CCSER1: variants seen among roughly 807,000 people sequenced by gnomAD.
The protein encoded by CCSER1 is coiled-coil serine rich protein 1, also known as serine-rich coiled-coil domain-containing protein 1.
Under a neutral mutation model 82.0 loss-of-function variants are expected in CCSER1, and 41 were observed. That is an observed-to-expected ratio of 0.50 (90% CI 0.39 to 0.65). The LOEUF is 0.65. Among genes scored for constraint, CCSER1 ranks in the 30% least tolerant of loss-of-function variants. The probability of loss-of-function intolerance (pLI) is 0.00; values close to 1 mark genes in which losing one functional copy is unlikely to be tolerated. For missense variants in CCSER1, 1,119 were observed against 1,064.2 expected, an observed-to-expected ratio of 1.05 and a Z score of -0.72; for synonymous variants, 414 against 383.9, an observed-to-expected ratio of 1.08 and a Z score of -0.92.
intron 5 of CCSER1, among the ~76,000 whole-genome samples, chr4:90,583,097 C>T (rs1409414027): frequency 6.6e-6 from 1 of 152,044 alleles, no homozygotes; most frequent in African/African-American, 2.4e-5. Context: ...CCTACTACAC[C>T]ACCTTCTACT....
chr4:90,869,781 A>G lies in CCSER1; in HGVS notation c.2095-53589A>G, dbSNP rs369576803. 4.6e-5 allele frequency among the ~76,000 whole-genome samples: 7 copies of G among 151,720 alleles called. 1 individual carries two copies. The East Asian group carries it at 7.7e-4, about 17-fold the overall frequency. ...TTGCTCAGGACTACATTGAATCTATAGATTGCTTTAGCTAGTATGGACATT... is the reference window on the plus strand; with the variant it reads ...TTGCTCAGGACTACATTGAATCTATGGATTGCTTTAGCTAGTATGGACATT... On this transcript the variant is annotated intron_variant, in intron 8 of 10. Transcript: ENST00000509176.
At chr4:90,472,714 C>A (rs1338394886) in intron 5 of CCSER1, among the ~76,000 whole-genome samples, 1 of 151,990 alleles carries the variant, frequency 6.6e-6, no homozygotes, top group Non-Finnish European at 1.5e-5. Flanking sequence ...TCTATGTAAT[C>A]CAAAAAGAGT....
chr4:91,120,567 G>C (rs11936848), intron 10 of CCSER1, among the ~76,000 whole-genome samples: 78,840 of 151,608 alleles, frequency 0.52, 20,798 homozygotes, highest in East Asian at 0.68. Flanking sequence ...TAGCTTTAAA[G>C]TTTTTTTTGA....
chr4:90,988,043 A>G (rs1327665505), intron 9 of CCSER1, among the ~76,000 whole-genome samples: 1 of 151,672 alleles, frequency 6.6e-6, no homozygotes, highest in Non-Finnish European at 1.5e-5. Context: ...ACTACCAGGC[A>G]TGGTGGCTCA....
intron 8 of CCSER1, among the ~76,000 whole-genome samples, chr4:90,836,220 G>A (rs1761785725): frequency 6.6e-6 from 1 of 151,918 alleles, no homozygotes; most frequent in African/African-American, 2.4e-5. Context: ...TAATAATAAC[G>A]ACAAAAACAT....
At chr4:91,560,769 C>G (rs568071182) in intron 10 of CCSER1, among the ~76,000 whole-genome samples, 1 of 151,438 alleles carries the variant, frequency 6.6e-6, no homozygotes, top group South Asian at 2.1e-4. Context: ...GAGTTTTAAG[C>G]TTCTCAAGTG....
chr4:90,643,602 G>T (rs963615254), intron 6 of CCSER1, among the ~76,000 whole-genome samples: 2 of 152,194 alleles, frequency 1.3e-5, no homozygotes, highest in African/African-American at 2.4e-5. Flanking sequence ...ATGGAACAGT[G>T]TTGGACACAT....
chr4:91,540,553 T>G (rs537247736), intron 10 of CCSER1, among the ~76,000 whole-genome samples: 94 of 152,306 alleles, frequency 6.2e-4, no homozygotes, highest in African/African-American at 2.2e-3. Flanking sequence ...AAGTTTTTAA[T>G]TTTAATGAAG....
At chr4:90,245,413 C>G (rs1400808515) in intron 1 of CCSER1, among the ~76,000 whole-genome samples, 4 of 150,772 alleles carry the variant, frequency 2.7e-5, no homozygotes, top group Admixed American at 2.6e-4. Context: ...GACCCCTTCT[C>G]TAAGGTCATG....
At chr4:90,940,058 T>C (rs1010304924) in intron 9 of CCSER1, among the ~76,000 whole-genome samples, 4 of 152,182 alleles carry the variant, frequency 2.6e-5, no homozygotes, top group South Asian at 4.1e-4. Flanking sequence ...TACTGTATTA[T>C]CTTGAAGAAG....
intron 7 of CCSER1, among the ~76,000 whole-genome samples, chr4:90,729,155 T>G (rs550501295): frequency 6.6e-6 from 1 of 152,252 alleles, no homozygotes; most frequent in East Asian, 1.9e-4. Context: ...AACAAGTTAA[T>G]AAATGAAAAG....
chr4:90,783,904 C>A (rs1247405181), intron 7 of CCSER1, among the ~76,000 whole-genome samples: 2 of 151,956 alleles, frequency 1.3e-5, no homozygotes, highest in African/African-American at 4.8e-5. Context: ...AACACCACAT[C>A]AACAGGACTC....
intron 3 of CCSER1, among the ~76,000 whole-genome samples, chr4:90,357,025 G>T (rs961986592): frequency 6.6e-6 from 1 of 151,724 alleles, no homozygotes; most frequent in Non-Finnish European, 1.5e-5. Context: ...TACTTTTTGC[G>T]GGTCTGGTAA....
intron 4 of CCSER1, among the ~76,000 whole-genome samples, chr4:90,459,705 A>G (rs1762636450): frequency 6.6e-6 from 1 of 152,180 alleles, no homozygotes; most frequent in South Asian, 2.1e-4. Flanking sequence ...CACCATAATG[A>G]CAATATTTTA....
At chr4:91,327,956 C>T (rs1306308618) in intron 10 of CCSER1, among the ~76,000 whole-genome samples, 3 of 152,122 alleles carry the variant, frequency 2.0e-5, no homozygotes, top group African/African-American at 2.4e-5. Flanking sequence ...CAATAAGTTC[C>T]TCATCTCCAT....
At chr4:90,578,462 C>T (rs1466068637) in intron 5 of CCSER1, among the ~76,000 whole-genome samples, 3 of 152,088 alleles carry the variant, frequency 2.0e-5, no homozygotes, top group African/African-American at 4.8e-5. Context: ...GCACTCTGAC[C>T]CTACCTTTTG....
chr4:91,319,165 A>C (rs766073982), intron 10 of CCSER1: 3 of 225,542 alleles, frequency 1.3e-5, no homozygotes, highest in African/African-American at 2.4e-5. Flanking sequence ...TAGATGATGC[A>C]TAAGTTTACA....
At chr4:91,347,145 T>C (rs1431042149) in intron 10 of CCSER1, among the ~76,000 whole-genome samples, 3 of 152,192 alleles carry the variant, frequency 2.0e-5, no homozygotes, top group Non-Finnish European at 4.4e-5. Context: ...GATGTATGGT[T>C]CATTTTGAGT....
At chr4:91,395,016 A>G (rs1751884184) in intron 10 of CCSER1, among the ~76,000 whole-genome samples, 1 of 152,124 alleles carries the variant, frequency 6.6e-6, no homozygotes, top group Non-Finnish European at 1.5e-5. Context: ...AAGTACTAAT[A>G]TATCTTTCGT....
Sources: gnomAD v4.1 joint callset for allele counts (sites outside exome capture counted in the v4.1 genomes callset) on GRCh38, gnomAD v4.1.1 for gene constraint, MANE v1.5 for transcripts, NCBI Gene and HGNC (gene_info 2026-07-23, HGNC 2026-07-21) for gene names.